Variants in SLC8A1 observed in about 807,000 individuals in gnomAD.
SLC8A1 encodes the protein sodium/calcium exchanger 1.
A neutral mutation model predicts 68.3 loss-of-function variants in SLC8A1; 18 were observed. That is an observed-to-expected ratio of 0.26 (90% confidence interval 0.18 to 0.39). The LOEUF (loss-of-function observed/expected upper bound fraction) is 0.39. SLC8A1 is among the 10% of genes least tolerant of loss of function. The pLI, the probability that SLC8A1 is intolerant of heterozygous loss-of-function variation, is 1.00. For synonymous variants in SLC8A1, 475 were observed against 415.5 expected (o/e 1.14, Z -1.74); for missense variants, 985 against 1,156.7 (o/e 0.85, Z 2.15).
intron 1 of SLC8A1, among the ~76,000 whole-genome samples, chr2:40,509,984 C>G (rs1226892591): frequency 6.6e-6 from 1 of 151,968 alleles, no homozygotes; most frequent in African/African-American, 2.4e-5. Flanking sequence ...TGCACCGCCA[C>G]ACCTGGCTAA....
intron 2 of SLC8A1, among the ~76,000 whole-genome samples, chr2:40,413,323 T>G (rs963317820): frequency 1.3e-5 from 2 of 152,238 alleles, no homozygotes; most frequent in Non-Finnish European, 2.9e-5. Context: ...TGCGGCACTA[T>G]TCACAATAGC....
exon 8 of SLC8A1, chr2:40,100,311 A>G (rs2033820263): frequency 6.6e-6 from 1 of 152,152 alleles, no homozygotes; most frequent in Non-Finnish European, 1.5e-5. Context: ...TACAGAAACC[A>G]TGGACTGTAG....
intron 2 of SLC8A1, among the ~76,000 whole-genome samples, chr2:40,218,477 T>A (rs1314872856): frequency 2.0e-5 from 3 of 152,242 alleles, no homozygotes; most frequent in Non-Finnish European, 4.4e-5. Flanking sequence ...TTTTTACAAT[T>A]ACTTTTTAAC....
At chr2:40,403,283 T>C (rs1689292691) in intron 2 of SLC8A1, among the ~76,000 whole-genome samples, 1 of 152,174 alleles carries the variant, frequency 6.6e-6, no homozygotes, top group African/African-American at 2.4e-5. Context: ...AACCCAGGCA[T>C]TAAGAAGAAA....
At chr2:40,370,444 T>G (rs1255777105) in intron 2 of SLC8A1, among the ~76,000 whole-genome samples, 1 of 152,110 alleles carries the variant, frequency 6.6e-6, no homozygotes, top group East Asian at 1.9e-4. Context: ...CAGACTTGTG[T>G]GTTGGCCTCA....
intron 2 of SLC8A1, among the ~76,000 whole-genome samples, chr2:40,347,940 A>C (rs1287146772): frequency 6.6e-6 from 1 of 152,222 alleles, no homozygotes; most frequent in Non-Finnish European, 1.5e-5. Context: ...AAGATGGCCC[A>C]CTTGAAATTA....
chr2:40,099,271 T>C (rs2033756327), exon 8 of SLC8A1: 1 of 152,044 alleles, frequency 6.6e-6, no homozygotes, highest in Non-Finnish European at 1.5e-5. Context: ...AAATGAGTAA[T>C]ATATGATGCA....
At chr2:40,115,186 G>A in exon 8 of SLC8A1, 1 of 1,124,044 alleles carries the variant, frequency 8.9e-7, no homozygotes, top group Non-Finnish European at 1.2e-6. Flanking sequence ...AGTTTCCTCT[G>A]TCCATTATAC....
exon 8 of SLC8A1, chr2:40,103,677 G>T (rs913471630): frequency 6.6e-6 from 1 of 152,026 alleles, no homozygotes; most frequent in Admixed American, 6.6e-5. Flanking sequence ...CCTTAAAAAG[G>T]TCACTGATTT....
At chr2:40,358,503 A>T (rs1176243913) in intron 2 of SLC8A1, among the ~76,000 whole-genome samples, 2 of 152,186 alleles carry the variant, frequency 1.3e-5, no homozygotes, top group Non-Finnish European at 2.9e-5. Context: ...AGAATAAGGG[A>T]TTTGGAGTAA....
chr2:40,500,416 T>G (rs1705980270), intron 1 of SLC8A1, among the ~76,000 whole-genome samples: 1 of 152,136 alleles, frequency 6.6e-6, no homozygotes, highest in African/African-American at 2.4e-5. Flanking sequence ...GATTAACTTA[T>G]TAAAAGCCCC....
chr2:40,363,731 C>T lies in SLC8A1; in HGVS notation c.1808+64742G>A, dbSNP rs936530157. On this transcript the variant is annotated intron_variant, in intron 2 of 7. Coordinates refer to ENST00000406785, the Ensembl canonical transcript of SLC8A1. ...GTGGCAGGTAATAATGACATCGCCT[C>T]GCTTGGATGATTAATAACCAGTTGT... Among the ~76,000 whole-genome samples the T allele has an allele frequency of 2.6e-5, 4 of 152,044 alleles. No homozygotes were observed. In the South Asian group the frequency reaches 6.2e-4, roughly 24 times the overall value.
intron 1 of SLC8A1, among the ~76,000 whole-genome samples, chr2:40,470,296 A>C (rs982401911): frequency 1.3e-5 from 2 of 152,116 alleles, no homozygotes; most frequent in African/African-American, 4.8e-5. Flanking sequence ...AAACTTTATA[A>C]AATTTTTAAT....
intron 2 of SLC8A1, among the ~76,000 whole-genome samples, chr2:40,290,236 C>A (rs565792083): frequency 6.7e-6 from 1 of 150,340 alleles, no homozygotes; most frequent in East Asian, 2.0e-4. Context: ...AAACGCAGTA[C>A]GAAAGGCAAA....
chr2:40,217,607 T>A (rs2057695373), intron 2 of SLC8A1, among the ~76,000 whole-genome samples: 1 of 152,174 alleles, frequency 6.6e-6, no homozygotes, highest in Non-Finnish European at 1.5e-5. Flanking sequence ...GGTGTTCTTG[T>A]GAGCTCAGAG....
intron 1 of SLC8A1, among the ~76,000 whole-genome samples, chr2:40,496,854 C>T (rs1047939258): frequency 6.4e-5 from 9 of 140,904 alleles, no homozygotes; most frequent in African/African-American, 2.4e-4. Context: ...TATTCTCACT[C>T]ATAGGTGGGA....
intron 2 of SLC8A1, among the ~76,000 whole-genome samples, chr2:40,379,418 A>G (rs1680988696): frequency 1.3e-5 from 2 of 152,214 alleles, no homozygotes; most frequent in African/African-American, 2.4e-5. Flanking sequence ...TTCAACCATA[A>G]TAAGATGATA....
intron 4 of SLC8A1, among the ~76,000 whole-genome samples, chr2:40,171,775 G>A (rs1461158560): frequency 6.6e-6 from 1 of 152,186 alleles, no homozygotes; most frequent in Non-Finnish European, 1.5e-5. Context: ...ACTCTAATGA[G>A]TTATAATATT....
intron 4 of SLC8A1, among the ~76,000 whole-genome samples, chr2:40,166,254 G>T (rs917115439): frequency 1.3e-5 from 2 of 152,244 alleles, no homozygotes; most frequent in East Asian, 1.9e-4. Context: ...GGAATGAATG[G>T]TTCCTAGGCT....
Sources: gnomAD v4.1 joint callset for allele counts (sites outside exome capture counted in the v4.1 genomes callset) on GRCh38, gnomAD v4.1.1 for gene constraint, MANE v1.5 for transcripts, NCBI Gene and HGNC (gene_info 2026-07-23, HGNC 2026-07-21) for gene names.